Variants in SLC35F4 observed in about 807,000 individuals in gnomAD.
SLC35F4 encodes the protein chromosome 14 open reading frame 36.
Under a neutral mutation model 44.2 loss-of-function variants are expected in SLC35F4, and 24 were observed. That is an observed-to-expected ratio of 0.54 (90% CI 0.39 to 0.76). The LOEUF (loss-of-function observed/expected upper bound fraction) is 0.76. SLC35F4 is among the 30% of genes least tolerant of loss of function. SLC35F4 has a pLI of 0.00. For synonymous variants in SLC35F4, 238 were observed against 223.6 expected, an observed-to-expected ratio of 1.06 and a Z score of -0.57; for missense variants, 562 against 586.1, an observed-to-expected ratio of 0.96 and a Z score of 0.42.
chr14:57,621,400 C>A lies in SLC35F4; in HGVS notation c.104-27276G>T, dbSNP rs143451437. On this transcript the variant is annotated intron_variant, in intron 1 of 7. Transcript: ENST00000556826. ...AAAGAACAAAGCTGGAGGCAACACT[C>A]TACCTGACTTCAAACTACACTACAA... Among the ~76,000 whole-genome samples, 169 of 152,224 alleles carry A rather than the reference C, an allele frequency of 1.1e-3. 1 individual carries two copies. The highest frequency in any genetic ancestry group is 3.8e-3 in the African/African-American group (156 of 41,540).
intron 1 of SLC35F4, among the ~76,000 whole-genome samples, chr14:57,619,407 G>A (rs2072049151): frequency 6.6e-6 from 1 of 152,154 alleles, no homozygotes; most frequent in Non-Finnish European, 1.5e-5. Flanking sequence ...AAAAGGTCTG[G>A]AGTGGACCTC....
At chr14:57,698,671 T>A (rs1316545348) in intron 1 of SLC35F4, among the ~76,000 whole-genome samples, 1 of 150,978 alleles carries the variant, frequency 6.6e-6, no homozygotes, top group Non-Finnish European at 1.5e-5. Context: ...GGAGTCTTGC[T>A]CTGTTGCTCA....
rs529442931 is a variant in SLC35F4 at position 57,655,912 on chromosome 14, C to T, written c.104-61788G>A. Among the ~76,000 whole-genome samples, 118 of 152,238 alleles carry T rather than the reference C, an allele frequency of 7.8e-4. 2 individuals carry two copies. The highest frequency in any genetic ancestry group is 2.5e-3 in the African/African-American group (103 of 41,552). On this transcript the variant is annotated intron_variant, in intron 1 of 7. Transcript: ENST00000556826. The stretch of plus-strand genomic sequence containing the variant: ...TCCCTTTAGCATCTCTCCTCCCACT[C>T]ATCTATATCCTGATATGTGTGATCG...
upstream of SLC35F4, among the ~76,000 whole-genome samples, chr14:57,868,643 T>G (rs1444308171): frequency 6.6e-6 from 1 of 151,898 alleles, no homozygotes; most frequent in Non-Finnish European, 1.5e-5. Context: ...GCCCAGCTAA[T>G]TTTTTTGTAT....
intron 1 of SLC35F4, among the ~76,000 whole-genome samples, chr14:57,965,002 A>G (rs1382864361): frequency 6.9e-6 from 1 of 144,844 alleles, no homozygotes; most frequent in Non-Finnish European, 1.5e-5. Context: ...ATATATATAT[A>G]TATATATATA....
At chr14:57,982,594 T>C (rs77809743), upstream of SLC35F4, among the ~76,000 whole-genome samples, 1,937 of 152,164 alleles carry the variant, frequency 0.013, 48 homozygotes, top group African/African-American at 0.045. Flanking sequence ...AGCCAGATCA[T>C]GAGCGATAAT....
chr14:57,569,830 G>A lies in SLC35F4; in HGVS notation c.1084C>T (p.Leu362=). 1.2e-6 allele frequency: 2 copies of A among 1,611,510 alleles called. No individual in the cohort carries two copies. Among genetic ancestry groups the A allele is most frequent in the Non-Finnish European group, 1.7e-6 (2 of 1,178,900 alleles). Residue 362 remains leucine (L), a synonymous_variant, in exon 6 of 8, where the codon CTG becomes TTG. Coordinates refer to ENST00000556826, the MANE Select transcript of SLC35F4 (RefSeq NM_001306087.2). ...KVEHWSSFAA[L]PWGCLCGMAG... is the part of the protein sequence containing the mutation. ...ATCCCACAGAGACAGCCCCATGGCA[G>A]AGCAGCAAAAGAGGACCAGTGCTCC...
chr14:57,690,969 C>G (rs2075214500), intron 1 of SLC35F4, among the ~76,000 whole-genome samples: 1 of 152,134 alleles, frequency 6.6e-6, no homozygotes, highest in Admixed American at 6.6e-5. Context: ...TGGTACGTAA[C>G]AGTCTAGAGC....
At chr14:57,842,685 G>A (rs575866802) in intron 1 of SLC35F4, among the ~76,000 whole-genome samples, 100 of 152,276 alleles carry the variant, frequency 6.6e-4, no homozygotes, top group African/African-American at 2.4e-3. Context: ...GCTACTACCA[G>A]CTCAAAGGCT....
chr14:57,570,013 G>C, intron 5 of SLC35F4, 33 bp from the exon 6 acceptor site: 1 of 1,553,716 alleles, frequency 6.4e-7, no homozygotes, highest in Non-Finnish European at 8.7e-7. Flanking sequence ...CAGCCACACA[G>C]AAACTTAGCC....
At chr14:57,565,376 T>C (rs996369242) in intron 7 of SLC35F4, among the ~76,000 whole-genome samples, 2 of 152,228 alleles carry the variant, frequency 1.3e-5, no homozygotes, top group Non-Finnish European at 2.9e-5. Flanking sequence ...GCAGGAAGCC[T>C]TTTGGATGCT....
chr14:57,784,458 A>C (rs895457315), intron 1 of SLC35F4, among the ~76,000 whole-genome samples: 1 of 152,138 alleles, frequency 6.6e-6, no homozygotes, highest in Non-Finnish European at 1.5e-5. Flanking sequence ...CCAAGGCAGG[A>C]GGATTGCTTG....
At chr14:57,891,230 T>G (rs952172345) in intron 1 of SLC35F4, among the ~76,000 whole-genome samples, 6 of 152,204 alleles carry the variant, frequency 3.9e-5, no homozygotes, top group African/African-American at 1.4e-4. Context: ...GTGCCTAAGA[T>G]CTTTTAAAAA....
At chr14:57,757,455 C>T (rs1007095534) in intron 1 of SLC35F4, among the ~76,000 whole-genome samples, 18 of 152,016 alleles carry the variant, frequency 1.2e-4, no homozygotes, top group African/African-American at 4.3e-4. Flanking sequence ...TTTTTACTGT[C>T]ATCTTTTAGA....
At chr14:57,872,068 A>G (rs1479409428) in intron 1 of SLC35F4, among the ~76,000 whole-genome samples, 1 of 152,254 alleles carries the variant, frequency 6.6e-6, no homozygotes. Flanking sequence ...AGAACCAGAG[A>G]GAACACAAAA....
At chr14:57,962,987 T>A (rs1340434168) in intron 1 of SLC35F4, among the ~76,000 whole-genome samples, 1 of 151,910 alleles carries the variant, frequency 6.6e-6, no homozygotes, top group African/African-American at 2.4e-5. Flanking sequence ...AGAAAAAAAA[T>A]ACTGCTCTGC....
chr14:57,729,823 C>T (rs1451249416), intron 1 of SLC35F4, among the ~76,000 whole-genome samples: 1 of 152,294 alleles, frequency 6.6e-6, no homozygotes, highest in East Asian at 1.9e-4. Context: ...TCAAGTTTAC[C>T]TGGGACCCCA....
chr14:57,654,112 T>C (rs2073879602), intron 1 of SLC35F4, among the ~76,000 whole-genome samples: 1 of 152,190 alleles, frequency 6.6e-6, no homozygotes, highest in African/African-American at 2.4e-5. Context: ...ACTCATCCAG[T>C]ATGGCTTCGT....
chr14:57,618,482 C>G (rs910564263), intron 1 of SLC35F4, among the ~76,000 whole-genome samples: 1 of 152,162 alleles, frequency 6.6e-6, no homozygotes, highest in South Asian at 2.1e-4. Context: ...AGGAACTGTA[C>G]TGTGAGGAAC....
Sources: gnomAD v4.1 joint callset for allele counts (sites outside exome capture counted in the v4.1 genomes callset) on GRCh38, gnomAD v4.1.1 for gene constraint, MANE v1.5 for transcripts, NCBI Gene and HGNC (gene_info 2026-07-23, HGNC 2026-07-21) for gene names.